Variants in TAF3 observed in about 807,000 individuals in gnomAD.
TAF3 encodes TATA-box binding protein associated factor 3, also known as transcription initiation factor TFIID subunit 3.
A neutral mutation model predicts 80.6 loss-of-function variants in TAF3; 7 were observed. The observed-to-expected ratio is 0.09, with a 90% CI of 0.05 to 0.16. The LOEUF is 0.16. Among genes scored for constraint, TAF3 ranks in the 10% least tolerant of loss-of-function variants. TAF3 has a pLI of 1.00. For missense variants in TAF3, 921 were observed against 1,140.2 expected (o/e 0.81, Z 2.77); for synonymous variants, 444 against 446.1 (o/e 1.00, Z 0.06).
In TAF3 at chr10:7,964,444, C is replaced by A; in HGVS notation, c.934C>A (p.Pro312Thr). Residue 312 changes from proline to threonine, a missense_variant, in exon 3 of 7, where the codon CCT (proline) becomes ACT (threonine). Pro to Thr is a conservative substitution (Grantham distance 38, BLOSUM62 -1). Around this residue, in one of 6 missense-constraint regions of TAF3, gnomAD observed 743 missense variants for 821.0 expected, o/e 0.90. Transcript: ENST00000344293. This position sits in a 1 kb window ranked among gnomAD's most constrained non-coding sequence, Gnocchi z 4.1. ...PKTVSKEKKS[P>T]GRSKSPKSPK... ...AACTGTATCCAAAGAAAAGAAATCA[C>A]CTGGACGTTCCAAGAGCCCCAAGAG... is the stretch of plus-strand genomic sequence containing the variant. 1 of 1,613,958 alleles carries A rather than the reference C, an allele frequency of 6.2e-7. No homozygotes were observed. Among genetic ancestry groups the A allele is most frequent in the South Asian group, 1.1e-5 (1 of 91,074 alleles).
chr10:7,957,111 T>G (rs1316973096), intron 2 of TAF3, among the ~76,000 whole-genome samples: 2 of 152,126 alleles, frequency 1.3e-5, no homozygotes, highest in African/African-American at 2.4e-5. Flanking sequence ...TAACCAAACT[T>G]TAGCACAAGC....
chr10:8,016,293 A>G lies in TAF3; in HGVS notation c.*1542A>G, dbSNP rs1224786620. The stretch of plus-strand genomic sequence containing the variant: ...ATTTTTTTAAATGCCAAGTAAATTG[A>G]TATTAGTGTATGAATTAGTCATATT... On this transcript the variant is annotated 3_prime_UTR_variant, in exon 7 of 7. Coordinates refer to ENST00000344293, the MANE Select transcript of TAF3 (RefSeq NM_031923.4). 6 of 152,140 alleles carry G rather than the reference A, an allele frequency of 3.9e-5. No individual in the cohort carries two copies. Among genetic ancestry groups the G allele is most frequent in the African/African-American group, 4.8e-5 (2 of 41,434 alleles). 9.4% of individuals were successfully genotyped at this position (152,140 alleles called of 1,614,324 possible).
At chr10:7,842,161 T>G (rs79396642) in intron 2 of TAF3, among the ~76,000 whole-genome samples, 23,622 of 106,412 alleles carry the variant, frequency 0.22, 2,626 homozygotes, top group East Asian at 0.55. Flanking sequence ...GTTTTTTTTT[T>G]TTGTTTTTTT....
intron 2 of TAF3, among the ~76,000 whole-genome samples, chr10:7,875,566 G>T (rs1350455869): frequency 6.6e-6 from 1 of 152,180 alleles, no homozygotes; most frequent in Non-Finnish European, 1.5e-5. Context: ...GGGGTTGTTG[G>T]CCTCCAGTTG....
At chr10:7,891,083 T>G (rs1239187032) in intron 2 of TAF3, among the ~76,000 whole-genome samples, 1 of 152,236 alleles carries the variant, frequency 6.6e-6, no homozygotes, top group Non-Finnish European at 1.5e-5. Flanking sequence ...CAGATGTGTT[T>G]TAGAGAAAAA....
intron 5 of TAF3, among the ~76,000 whole-genome samples, chr10:8,010,938 T>C (rs192944923): frequency 1.3e-5 from 2 of 152,254 alleles, no homozygotes; most frequent in Admixed American, 1.3e-4. Flanking sequence ...AATCCCACCA[T>C]GTCCACTGAG....
At chr10:7,883,427 T>C (rs1224743383) in intron 2 of TAF3, among the ~76,000 whole-genome samples, 3 of 152,260 alleles carry the variant, frequency 2.0e-5, no homozygotes, top group Admixed American at 6.5e-5. Flanking sequence ...CCTGTGATAC[T>C]GATTTGATGG....
chr10:7,998,024 G>A (rs747837247), intron 4 of TAF3, among the ~76,000 whole-genome samples: 8 of 151,474 alleles, frequency 5.3e-5, no homozygotes, highest in Non-Finnish European at 8.8e-5. Context: ...AACTGTTTTC[G>A]GTCATCACAA....
At chr10:7,835,404 G>A (rs925938429) in intron 2 of TAF3, among the ~76,000 whole-genome samples, 6 of 152,152 alleles carry the variant, frequency 3.9e-5, no homozygotes, top group African/African-American at 1.4e-4. Context: ...TCGTTTTTGC[G>A]GAATGTTCCA....
In TAF3 at chr10:7,919,787, G is replaced by A. The variant is rs1217367863; in HGVS notation, c.410-44133G>A. 4.0e-5 allele frequency among the ~76,000 whole-genome samples: 6 copies of A among 151,252 alleles called. No homozygotes were observed. The South Asian group carries it at 8.4e-4, about 21-fold the overall frequency. On this transcript the variant is annotated intron_variant, in intron 2 of 6. Coordinates refer to ENST00000344293, the MANE Select transcript of TAF3 (RefSeq NM_031923.4). ...TTTTTTTCAAATATTTTTGATCCACGGTAGGTTGAATCCACAGATGTGGAA... is the reference window on the plus strand; with the variant it reads ...TTTTTTTCAAATATTTTTGATCCACAGTAGGTTGAATCCACAGATGTGGAA...
At chr10:7,879,328 A>G (rs1260042153) in intron 2 of TAF3, among the ~76,000 whole-genome samples, 1 of 152,198 alleles carries the variant, frequency 6.6e-6, no homozygotes, top group African/African-American at 2.4e-5. Flanking sequence ...ACTGTACACT[A>G]TTAATGAAAC....
intron 2 of TAF3, among the ~76,000 whole-genome samples, chr10:7,956,380 G>T (rs186566605): frequency 2.0e-5 from 3 of 152,046 alleles, no homozygotes; most frequent in Non-Finnish European, 4.4e-5. Context: ...CCAGCTACTC[G>T]GGAGGCTGAG....
chr10:7,927,781 A>G (rs1484164479), intron 2 of TAF3, among the ~76,000 whole-genome samples: 1 of 152,226 alleles, frequency 6.6e-6, no homozygotes, highest in Non-Finnish European at 1.5e-5. Context: ...TATAAAAGAA[A>G]GTATAAAAAT....
At chr10:7,831,297 A>G (rs555884597) in intron 2 of TAF3, among the ~76,000 whole-genome samples, 7 of 151,262 alleles carry the variant, frequency 4.6e-5, no homozygotes, top group South Asian at 4.2e-4. Flanking sequence ...TTCATTTAAT[A>G]CTCTATCATT....
chr10:7,905,678 G>C (rs557540567), intron 2 of TAF3, among the ~76,000 whole-genome samples: 8 of 152,054 alleles, frequency 5.3e-5, no homozygotes, highest in African/African-American at 1.9e-4. Context: ...TCAGGAGTTC[G>C]AGACCAGCCT....
chr10:7,989,500 G>A (rs1831813468), intron 4 of TAF3, among the ~76,000 whole-genome samples: 1 of 152,142 alleles, frequency 6.6e-6, no homozygotes, highest in African/African-American at 2.4e-5. Flanking sequence ...TTGTGTTGCT[G>A]TTTTAAATTT....
chr10:7,889,766 T>C (rs1837441723), intron 2 of TAF3, among the ~76,000 whole-genome samples: 2 of 152,230 alleles, frequency 1.3e-5, no homozygotes, highest in Non-Finnish European at 1.5e-5. Context: ...TTGTTTCTTG[T>C]GGTAAAAGCC....
chr10:7,906,091 A>T (rs903477824), intron 2 of TAF3, among the ~76,000 whole-genome samples: 17 of 152,184 alleles, frequency 1.1e-4, no homozygotes, highest in African/African-American at 4.1e-4. Context: ...CTATGAAAGG[A>T]GTTTTCTTTT....
At chr10:7,874,216 G>C (rs1414312900) in intron 2 of TAF3, among the ~76,000 whole-genome samples, 2 of 152,072 alleles carry the variant, frequency 1.3e-5, no homozygotes, top group Non-Finnish European at 2.9e-5. Context: ...AGAAACTTAA[G>C]GGCAGATTAA....
Sources: gnomAD v4.1 joint callset for allele counts (sites outside exome capture counted in the v4.1 genomes callset) on GRCh38, gnomAD v4.1.1 for gene constraint, gnomAD v4.1.1 regional missense constraint, Gnocchi (gnomAD v3.1) non-coding constraint, MANE v1.5 for transcripts, NCBI Gene and HGNC (gene_info 2026-07-23, HGNC 2026-07-21) for gene names.